The following AMD1 variants were observed in gnomAD, a reference collection of about 807,000 sequenced individuals.
The protein encoded by AMD1 is S-adenosylmethionine decarboxylase proenzyme.
A neutral mutation model predicts 40.2 loss-of-function variants in AMD1; 11 were observed. The observed-to-expected ratio is 0.27, with a 90% CI of 0.17 to 0.45. The LOEUF is 0.45. AMD1 is among the 20% of genes least tolerant of loss of function. AMD1 has a pLI of 1.00. For synonymous variants in AMD1, 121 were observed against 130.8 expected (o/e 0.93, Z 0.51); for missense variants, 257 against 410.2 (o/e 0.63, Z 3.23).
chr6:110,886,908 T>G (rs1785723409), intron 1 of AMD1, among the ~76,000 whole-genome samples: 2 of 152,258 alleles, frequency 1.3e-5, no homozygotes. Context: ...CATGTCCATA[T>G]GACCTTCATT....
Position 110,892,724 on chromosome 6 carries a change from T to TCCC in AMD1, c.616-5_616-3dup, listed in dbSNP as rs34637914. On this transcript the variant is annotated splice_polypyrimidine_tract_variant and intron_variant, in intron 6 of 8. Coordinates refer to ENST00000368885, the MANE Select transcript of AMD1 (RefSeq NM_001634.6). Reference sequence around the variant, plus strand: ...AAACCCTTGTTAAACTCGGTCTTTTTCCCCCCCCAGGAGAGTGGAATTCGT... The same window carrying TCCC: ...AAACCCTTGTTAAACTCGGTCTTTTTCCCCCCCCCCCAGGAGAGTGGAATTCGT... 493 of 1,541,124 alleles carry TCCC rather than the reference T, an allele frequency of 3.2e-4. No individual in the cohort carries two copies. Among genetic ancestry groups the TCCC allele is most frequent in the Middle Eastern group, 4.2e-4 (2 of 4,754 alleles).
chr6:110,867,002 A>ACCC, the AMD1 span, among the ~76,000 whole-genome samples: 2 of 151,456 alleles, frequency 1.3e-5, no homozygotes, highest in Non-Finnish European at 2.9e-5. Context: ...TTTAGTAGAG[A>ACCC]CGGGGTTTCA....
At chr6:110,837,954 C>G in the AMD1 span, among the ~76,000 whole-genome samples, 14 of 148,494 alleles carry the variant, frequency 9.4e-5, no homozygotes, top group Middle Eastern at 7.0e-3. Context: ...CCCAGCTACT[C>G]AGGAGGCTGA....
At chr6:110,836,727 A>G in the AMD1 span, among the ~76,000 whole-genome samples, 1 of 151,976 alleles carries the variant, frequency 6.6e-6, no homozygotes, top group Non-Finnish European at 1.5e-5. Context: ...TGTCCTGACC[A>G]AGGTTGTTTG....
At chr6:110,857,082 T>G in the AMD1 span, among the ~76,000 whole-genome samples, 4 of 152,056 alleles carry the variant, frequency 2.6e-5, no homozygotes, top group Admixed American at 6.6e-5. Context: ...GATAATCACT[T>G]GAACCTGGGA....
chr6:110,878,897 A>G (rs564524361), intron 1 of AMD1, among the ~76,000 whole-genome samples: 2 of 152,322 alleles, frequency 1.3e-5, no homozygotes, highest in East Asian at 1.9e-4. Context: ...ACTTTCCCCA[A>G]ACTCATGACT....
Position 110,887,520 on chromosome 6 carries a change from A to G in AMD1, c.126A>G (p.Ile42Met), listed in dbSNP as rs1785764517. ...LRTIPRSEWD[I>M]LLKDVQCSII... Reference sequence around the variant, plus strand: ...TAAATGATAGATCTGAGTGGGACATACTTTTGAAGGATGTGCAATGTTCAA... The same window carrying G: ...TAAATGATAGATCTGAGTGGGACATGCTTTTGAAGGATGTGCAATGTTCAA... Residue 42 changes from isoleucine (I) to methionine (M), a missense_variant, in exon 2 of 9, where the codon ATA (isoleucine) becomes ATG (methionine). By Grantham distance (10) the Ile-to-Met change is conservative. Transcript: ENST00000368885. The G allele has an allele frequency of 6.2e-7, 1 of 1,607,550 alleles. No individual in the cohort carries two copies. The highest frequency in any genetic ancestry group is 1.7e-5 in the Admixed American group (1 of 58,596).
Position 110,893,888 on chromosome 6 carries a change from A to G in AMD1, c.*272A>G. The G allele has an allele frequency of 2.7e-6, 1 of 372,096 alleles. No homozygotes were observed. Among genetic ancestry groups the G allele is most frequent in the South Asian group, 3.2e-5 (1 of 31,620 alleles). 23.0% of individuals were successfully genotyped at this position (372,096 alleles called of 1,614,324 possible). A position where few individuals can be genotyped will look rare whatever the true frequency, so the allele number is the denominator to read the frequency against. ...GTGCATGTAGAAAAAACCTTTTACT[A>G]TATGAAACTTTACAACACTTGTGAA... On this transcript the variant is annotated 3_prime_UTR_variant, in exon 9 of 9. Transcript: ENST00000368885.
the AMD1 span, chr6:110,858,870 GT>G: frequency 1.3e-6 from 1 of 798,232 alleles, no homozygotes; most frequent in Admixed American, 1.7e-5. Flanking sequence ...CTCCAGATGG[GT>G]ACAAACAAGT....
At chr6:110,814,729 G>GT in the AMD1 span, 8 of 617,444 alleles carry the variant, frequency 1.3e-5, no homozygotes, top group South Asian at 1.2e-4. Flanking sequence ...CCCAACTCGA[G>GT]TCCCCCCGCC....
chr6:110,873,171 C>T (rs1412915945), upstream of AMD1, among the ~76,000 whole-genome samples: 6 of 152,134 alleles, frequency 3.9e-5, no homozygotes, highest in Non-Finnish European at 1.5e-5. Flanking sequence ...TCAAGACAAG[C>T]CTGGCAAACA....
chr6:110,844,375 C>A, the AMD1 span, among the ~76,000 whole-genome samples: 2 of 150,986 alleles, frequency 1.3e-5, no homozygotes, highest in Non-Finnish European at 2.9e-5. Flanking sequence ...TCTCGCTGGT[C>A]TCAAACTCCT....
At chr6:110,823,665 G>C in the AMD1 span, among the ~76,000 whole-genome samples, 82 of 152,266 alleles carry the variant, frequency 5.4e-4, no homozygotes, top group Admixed American at 1.4e-3. Context: ...TTCCTTGAGA[G>C]CTAGAGATGT....
At chr6:110,850,555 A>T in the AMD1 span, among the ~76,000 whole-genome samples, 1 of 152,132 alleles carries the variant, frequency 6.6e-6, no homozygotes, top group African/African-American at 2.4e-5. Flanking sequence ...TTGGGGAGAA[A>T]ATTAAAATAT....
the AMD1 span, among the ~76,000 whole-genome samples, chr6:110,829,110 C>CA: frequency 2.6e-5 from 4 of 151,606 alleles, no homozygotes; most frequent in African/African-American, 9.7e-5. Context: ...GCGGAGGTTG[C>CA]AGTGAGCCGA....
the AMD1 span, among the ~76,000 whole-genome samples, chr6:110,868,362 A>G: frequency 6.6e-6 from 1 of 151,802 alleles, no homozygotes; most frequent in Non-Finnish European, 1.5e-5. Flanking sequence ...TTTTAGCTAG[A>G]GTGGTCTTGA....
At chr6:110,859,216 C>CTT in the AMD1 span, 7 of 635,406 alleles carry the variant, frequency 1.1e-5, no homozygotes, top group East Asian at 3.4e-5. Flanking sequence ...GTGTTTTCAT[C>CTT]TTTTTTTTTC....
At chr6:110,880,560 T>G (rs1583213278) in intron 1 of AMD1, among the ~76,000 whole-genome samples, 1 of 152,222 alleles carries the variant, frequency 6.6e-6, no homozygotes, top group African/African-American at 2.4e-5. Flanking sequence ...AAGTCCAACT[T>G]AATTTTGTTT....
At chr6:110,853,014 A>T in the AMD1 span, among the ~76,000 whole-genome samples, 3 of 130,850 alleles carry the variant, frequency 2.3e-5, no homozygotes, top group Admixed American at 8.1e-5. Flanking sequence ...AGTGTGTGTG[A>T]CTCACTTTAT....
Sources: gnomAD v4.1 joint callset for allele counts (sites outside exome capture counted in the v4.1 genomes callset) on GRCh38, gnomAD v4.1.1 for gene constraint, MANE v1.5 for transcripts, NCBI Gene and HGNC (gene_info 2026-07-23, HGNC 2026-07-21) for gene names.